TMEM131: variants seen among roughly 807,000 people sequenced by gnomAD.
TMEM131 encodes transmembrane protein 131, also known as 2610524E03Rik.
TMEM131 carries 66 observed loss-of-function variants against 211.6 expected under a neutral mutation model. The observed-to-expected ratio is 0.31, with a 90% confidence interval of 0.26 to 0.38. TMEM131 has a LOEUF of 0.38. Among genes scored for constraint, TMEM131 ranks in the 10% least tolerant of loss-of-function variants. The pLI is 1.00. For synonymous variants in TMEM131, 844 were observed against 841.3 expected (o/e 1.00, Z -0.06); for missense variants, 2,036 against 2,299.3 (o/e 0.89, Z 2.34).
intron 4 of TMEM131, among the ~76,000 whole-genome samples, chr2:97,879,247 G>C (rs943790726): frequency 1.3e-5 from 2 of 152,076 alleles, no homozygotes; most frequent in African/African-American, 4.8e-5. Flanking sequence ...GGCAGTGAGA[G>C]AGAATAAGCC....
At chr2:97,782,657 A>G (rs1680065644) in intron 31 of TMEM131, among the ~76,000 whole-genome samples, 1 of 152,232 alleles carries the variant, frequency 6.6e-6, no homozygotes, top group Non-Finnish European at 1.5e-5. Flanking sequence ...CTAAAGAAGA[A>G]CAAAATGGAA....
intron 31 of TMEM131, among the ~76,000 whole-genome samples, chr2:97,782,256 GC>G (rs1395429669): frequency 3.3e-5 from 5 of 152,210 alleles, no homozygotes; most frequent in Admixed American, 6.5e-5. Flanking sequence ...GTAATGAGGA[GC>G]CTCCCTGCCC....
At chr2:97,897,475 C>T (rs1250305579) in intron 3 of TMEM131, among the ~76,000 whole-genome samples, 1 of 152,074 alleles carries the variant, frequency 6.6e-6, no homozygotes, top group Non-Finnish European at 1.5e-5. Context: ...TGAACAGATG[C>T]TGAATGTTGT....
intron 3 of TMEM131, among the ~76,000 whole-genome samples, chr2:97,902,030 T>A (rs949033954): frequency 2.0e-5 from 3 of 152,100 alleles, no homozygotes; most frequent in Non-Finnish European, 4.4e-5. Context: ...CATTACACAG[T>A]CTATGCATGT....
intron 24 of TMEM131, 58 bp from the exon 25 acceptor site, chr2:97,802,019 A>T (rs1054202485): frequency 5.8e-6 from 7 of 1,215,424 alleles, no homozygotes; most frequent in Middle Eastern, 1.9e-4. Flanking sequence ...TAAGGGAGTT[A>T]TGGAGTGATT....
intron 1 of TMEM131, among the ~76,000 whole-genome samples, chr2:97,937,900 A>G (rs932123292): frequency 1.3e-5 from 2 of 152,238 alleles, no homozygotes; most frequent in African/African-American, 4.8e-5. Context: ...AGAATTTTCA[A>G]CCCAGAATTT....
In TMEM131 at chr2:97,792,565, G is replaced by A; in HGVS notation, c.3965C>T (p.Ser1322Phe). ...QPQEPQPERL[S>F]PAPLAHPSHP... ...GGAAGGGTGTGCGAGGGGGGCGGGA[G>A]ACAGCCTTTCAGGCTGCGGCTCCTG... is the stretch of plus-strand genomic sequence containing the variant. The change falls in exon 31 of 41, where the codon TCT (serine) becomes TTT (phenylalanine). Residue 1322 changes from serine (S) to phenylalanine (F), a missense_variant. Transcript: ENST00000186436. The A allele has an allele frequency of 1.2e-6, 2 of 1,613,342 alleles. No homozygotes were observed. The highest frequency in any genetic ancestry group is 2.2e-5 in the East Asian group (1 of 44,856).
At chr2:97,803,082 G>GA (rs755724501) in intron 22 of TMEM131, among the ~76,000 whole-genome samples, 4 of 152,226 alleles carry the variant, frequency 2.6e-5, no homozygotes, top group African/African-American at 7.2e-5. Flanking sequence ...CGTAAGTTTC[G>GA]AAAAACCTTT....
intron 2 of TMEM131, among the ~76,000 whole-genome samples, chr2:97,917,731 C>A (rs933723561): frequency 1.3e-5 from 2 of 152,126 alleles, no homozygotes; most frequent in African/African-American, 2.4e-5. Context: ...TGAGAACTCA[C>A]AATCACAAGA....
chr2:97,983,114 A>G (rs1393119228), intron 1 of TMEM131, among the ~76,000 whole-genome samples: 1 of 152,154 alleles, frequency 6.6e-6, no homozygotes, highest in Non-Finnish European at 1.5e-5. Flanking sequence ...AGAAGCAGGG[A>G]GCCCTTTCAT....
Position 97,908,806 on chromosome 2 carries a change from C to T in TMEM131, c.250-108G>A, listed in dbSNP as rs1676178408. 1.5e-5 allele frequency: 14 copies of T among 914,992 alleles called. No homozygotes were observed. In the East Asian group the frequency reaches 3.3e-4, roughly 21 times the overall value. 56.7% of individuals were successfully genotyped at this position (914,992 alleles called of 1,614,324 possible). A position where few individuals can be genotyped will look rare whatever the true frequency, so the allele number is the denominator to read the frequency against. ...TTTTAGTTTCAACATTCATTTTATACCCATTTGGATTTTAAGGTTAAACCT... is the reference window on the plus strand; with the variant it reads ...TTTTAGTTTCAACATTCATTTTATATCCATTTGGATTTTAAGGTTAAACCT... On this transcript the variant is annotated intron_variant, in intron 2 of 40. Coordinates refer to ENST00000186436, the MANE Select transcript of TMEM131 (RefSeq NM_015348.2).
chr2:97,981,394 A>G (rs1409500635), intron 1 of TMEM131, among the ~76,000 whole-genome samples: 2 of 152,218 alleles, frequency 1.3e-5, no homozygotes, highest in Non-Finnish European at 2.9e-5. Flanking sequence ...ATTTTGTTAG[A>G]CACTGTGCCA....
At chr2:97,833,283 AG>A (rs1258558948) in intron 11 of TMEM131, 81 bp downstream of exon 11, 1 of 684,398 alleles carries the variant, frequency 1.5e-6, no homozygotes, top group Non-Finnish European at 2.4e-6. Flanking sequence ...TTTTAGAATA[AG>A]GGTTTAATTA....
chr2:97,943,052 A>AAGAAAAGAAAAGAAAAGAAAAG (rs1677856857), intron 1 of TMEM131, among the ~76,000 whole-genome samples: 2 of 70,474 alleles, frequency 2.8e-5, no homozygotes, highest in Admixed American at 3.1e-4. Flanking sequence ...AAAGAAAGAA[A>AAGAAAAGAAAAGAAAAGAAAAG]GAAAGAAAGA....
intron 1 of TMEM131, among the ~76,000 whole-genome samples, chr2:97,982,217 A>G (rs1370041152): frequency 1.3e-5 from 2 of 152,168 alleles, no homozygotes; most frequent in South Asian, 2.1e-4. Context: ...TCGTAGCCAT[A>G]TTGGTGGGTG....
At chr2:97,862,453 T>C (rs1674108079) in intron 4 of TMEM131, among the ~76,000 whole-genome samples, 1 of 152,014 alleles carries the variant, frequency 6.6e-6, no homozygotes. Flanking sequence ...TCAAAATGGC[T>C]GTTTTGAGGA....
chr2:97,993,020 T>C (rs1680331444), intron 1 of TMEM131, among the ~76,000 whole-genome samples: 1 of 152,200 alleles, frequency 6.6e-6, no homozygotes, highest in Non-Finnish European at 1.5e-5. Context: ...GGTCCATGCT[T>C]CTGACTCAAG....
chr2:97,771,896 C>T (rs930463224), intron 33 of TMEM131, among the ~76,000 whole-genome samples: 4 of 152,182 alleles, frequency 2.6e-5, no homozygotes, highest in Non-Finnish European at 5.9e-5. Flanking sequence ...AACTCTAGAT[C>T]CCAACTGGGT....
intron 1 of TMEM131, among the ~76,000 whole-genome samples, chr2:97,995,238 G>C (rs2279826): frequency 0.75 from 113,956 of 152,242 alleles, 44,309 homozygotes; most frequent in African/African-American, 0.87. Flanking sequence ...CGTACGAGAA[G>C]TCAGGAAGTT....
Sources: gnomAD v4.1 joint callset for allele counts (sites outside exome capture counted in the v4.1 genomes callset) on GRCh38, gnomAD v4.1.1 for gene constraint, MANE v1.5 for transcripts, NCBI Gene and HGNC (gene_info 2026-07-23, HGNC 2026-07-21) for gene names.